RYR2: variants seen among roughly 807,000 people sequenced by gnomAD.
RYR2 encodes the protein ryanodine receptor 2, also known as cardiac muscle ryanodine receptor-calcium release channel.
A neutral mutation model predicts 601.1 loss-of-function variants in RYR2; 227 were observed. The ratio of observed to expected loss-of-function variants is 0.38; its 90% confidence interval spans 0.34 to 0.42. The LOEUF (loss-of-function observed/expected upper bound fraction) is 0.42, where lower values mean the gene tolerates loss of function less well. Among genes scored for constraint, RYR2 ranks in the 10% least tolerant of loss-of-function variants. The pLI is 1.00. For missense variants in RYR2, 4,646 were observed against 6,156.5 expected (o/e 0.75, Z 8.21); for synonymous variants, 2,223 against 2,175.1 (o/e 1.02, Z -0.61).
chr1:237,222,048 G>A (rs571563586), intron 1 of RYR2, among the ~76,000 whole-genome samples: 23 of 152,226 alleles, frequency 1.5e-4, no homozygotes, highest in Non-Finnish European at 7.4e-5. Context: ...AGTGTTCCAT[G>A]GGGACGTGTG....
chr1:237,421,497 A>C (rs1039225172), intron 11 of RYR2, among the ~76,000 whole-genome samples: 2 of 152,208 alleles, frequency 1.3e-5, no homozygotes, highest in Non-Finnish European at 2.9e-5. Flanking sequence ...AAACAAATTC[A>C]TGTGAAAATG....
At chr1:237,739,263 T>G (rs2149199227) in intron 79 of RYR2, among the ~76,000 whole-genome samples, 1 of 152,272 alleles carries the variant, frequency 6.6e-6, no homozygotes, top group African/African-American at 2.4e-5. Context: ...TAAACTCTAT[T>G]CCCCTACTCC....
intron 96 of RYR2, 36 bp from the exon 97 acceptor site, chr1:237,798,001 T>A (rs745904894): frequency 6.3e-7 from 1 of 1,586,112 alleles, no homozygotes; most frequent in Non-Finnish European, 8.6e-7. Context: ...TACTTAATGG[T>A]TGAAGCCAAC....
chr1:237,704,496 C>T (rs1004828806), intron 66 of RYR2, among the ~76,000 whole-genome samples: 1 of 151,884 alleles, frequency 6.6e-6, no homozygotes, highest in Non-Finnish European at 1.5e-5. Context: ...AAATCAATAT[C>T]ATATAGCCTG....
chr1:237,548,930 A>G (rs911949957), intron 26 of RYR2, among the ~76,000 whole-genome samples: 2 of 152,208 alleles, frequency 1.3e-5, no homozygotes, highest in Non-Finnish European at 1.5e-5. Flanking sequence ...TGGGTTCACC[A>G]TCCCTTATTC....
chr1:237,677,605 C>T (rs1167687212), intron 60 of RYR2, among the ~76,000 whole-genome samples: 1 of 152,154 alleles, frequency 6.6e-6, no homozygotes, highest in African/African-American at 2.4e-5. Flanking sequence ...CTTTAACTTT[C>T]GGTCACACGA....
intron 36 of RYR2, among the ~76,000 whole-genome samples, chr1:237,612,920 C>T (rs1678048519): frequency 1.3e-5 from 2 of 152,080 alleles, no homozygotes; most frequent in South Asian, 2.1e-4. Context: ...TGATATGGAA[C>T]ATGAATGTAT....
Position 237,081,486 on chromosome 1 carries a change from A to G in RYR2, c.48+38917A>G, listed in dbSNP as rs1665646779. 3.3e-5 allele frequency among the ~76,000 whole-genome samples: 4 copies of G among 122,708 alleles called. 1 individual carries two copies. The South Asian group carries it at 1.1e-3, about 33-fold the overall frequency. 80.5% of individuals were successfully genotyped at this position (122,708 alleles called of 152,430 possible). A position where few individuals can be genotyped will look rare whatever the true frequency, so the allele number is the denominator to read the frequency against. ...GGACCCTGTCTTTCTTTATATATGT[A>G]TATACATATATAAATACACCCCCCA... is the stretch of plus-strand genomic sequence containing the variant. On this transcript the variant is annotated intron_variant, in intron 1 of 104. Coordinates refer to ENST00000366574, the MANE Select transcript of RYR2 (RefSeq NM_001035.3).
chr1:237,202,023 G>A (rs1187692082), intron 1 of RYR2, among the ~76,000 whole-genome samples: 1 of 152,186 alleles, frequency 6.6e-6, no homozygotes, highest in Admixed American at 6.5e-5. Context: ...AAGATAAAAT[G>A]TTCGTAGAGA....
chr1:237,354,269 G>C (rs1322453000), intron 3 of RYR2, among the ~76,000 whole-genome samples: 1 of 152,016 alleles, frequency 6.6e-6, no homozygotes, highest in East Asian at 1.9e-4. Context: ...ACTATCATTA[G>C]TAACTATGAC....
At chr1:237,105,985 C>T (rs945807497) in intron 1 of RYR2, among the ~76,000 whole-genome samples, 3 of 152,024 alleles carry the variant, frequency 2.0e-5, no homozygotes, top group Middle Eastern at 3.2e-3. Flanking sequence ...CCAGCACCAA[C>T]GTGGGAGTGT....
At chr1:237,757,234 A>G (rs1347886032) in intron 81 of RYR2, among the ~76,000 whole-genome samples, 2 of 152,166 alleles carry the variant, frequency 1.3e-5, no homozygotes, top group Non-Finnish European at 2.9e-5. Context: ...TCTGCCTAAT[A>G]AACCAGATGT....
At chr1:237,421,913 G>T (rs868493760) in intron 11 of RYR2, among the ~76,000 whole-genome samples, 28 of 152,000 alleles carry the variant, frequency 1.8e-4, no homozygotes, top group Admixed American at 2.0e-4. Context: ...TTTTGGCCTT[G>T]AATTGGAATT....
At chr1:237,767,932 GC>G (rs1036625824) in intron 84 of RYR2, among the ~76,000 whole-genome samples, 5 of 152,038 alleles carry the variant, frequency 3.3e-5, no homozygotes, top group African/African-American at 9.7e-5. Context: ...CTTTAATGTG[GC>G]CAGTCCTATG....
chr1:237,413,127 T>A (rs574437142), intron 10 of RYR2, among the ~76,000 whole-genome samples: 1 of 152,272 alleles, frequency 6.6e-6, no homozygotes, highest in Admixed American at 6.5e-5. Context: ...AAGACTTGAT[T>A]AGACAACCAT....
At chr1:237,723,802 AG>A (rs1299200449) in intron 74 of RYR2, among the ~76,000 whole-genome samples, 1 of 152,120 alleles carries the variant, frequency 6.6e-6, no homozygotes, top group Non-Finnish European at 1.5e-5. Flanking sequence ...ATGTAAGAAA[AG>A]TGTTTTTATA....
intron 14 of RYR2, among the ~76,000 whole-genome samples, chr1:237,451,571 ACT>A (rs1399184815): frequency 2.8e-5 from 3 of 106,954 alleles, no homozygotes; most frequent in Non-Finnish European, 5.8e-5. Flanking sequence ...ACAGAGTGAA[ACT>A]CTGTCTCAAA....
At chr1:237,653,697 G>T (rs1682975478) in intron 51 of RYR2, among the ~76,000 whole-genome samples, 1 of 152,162 alleles carries the variant, frequency 6.6e-6, no homozygotes, top group South Asian at 2.1e-4. Context: ...CAAGCTGAGG[G>T]GCAAGGAAGC....
intron 8 of RYR2, among the ~76,000 whole-genome samples, chr1:237,382,390 A>G (rs1701593169): frequency 6.6e-6 from 1 of 152,076 alleles, no homozygotes; most frequent in Non-Finnish European, 1.5e-5. Flanking sequence ...GTTATTTTTT[A>G]TTATACTTTA....
Sources: allele counts gnomAD v4.1 joint callset (sites outside exome capture counted in the v4.1 genomes callset), GRCh38; gene constraint gnomAD v4.1.1; transcripts MANE v1.5; gene names NCBI Gene and HGNC (gene_info 2026-07-23, HGNC 2026-07-21).